Variants in CFDP1 observed in about 807,000 individuals in gnomAD.
CFDP1 encodes chromatin remodeling protein CFDP1, also known as heterochromatin-stabilizing protein CFDP1.
Under a neutral mutation model 40.1 loss-of-function variants are expected in CFDP1, and 31 were observed. That is an observed-to-expected ratio of 0.77 (90% confidence interval 0.58 to 1.04). CFDP1 has a LOEUF of 1.04. Ranked by LOEUF, CFDP1 falls within the 50% of genes least tolerant of loss-of-function variation. CFDP1 has a pLI of 0.00. For synonymous variants in CFDP1, 167 were observed against 120.0 expected (o/e 1.39, Z -2.56); for missense variants, 423 against 343.4 (o/e 1.23, Z -1.83).
intron 5 of CFDP1, among the ~76,000 whole-genome samples, chr16:75,341,331 T>C (rs1597342351): frequency 6.6e-6 from 1 of 152,204 alleles, no homozygotes; most frequent in South Asian, 2.1e-4. Flanking sequence ...CTACTATTCC[T>C]AGTCCACAGT....
chr16:75,312,259 G>C (rs2078297443), intron 5 of CFDP1, among the ~76,000 whole-genome samples: 1 of 152,120 alleles, frequency 6.6e-6, no homozygotes, highest in Non-Finnish European at 1.5e-5. Flanking sequence ...TCTCAACACT[G>C]TATTGACAGT....
intron 5 of CFDP1, among the ~76,000 whole-genome samples, chr16:75,369,907 C>G (rs1407902120): frequency 1.3e-5 from 2 of 151,844 alleles, no homozygotes; most frequent in Non-Finnish European, 2.9e-5. Flanking sequence ...TACAGGCCTG[C>G]ACCACCAAGC....
At chr16:75,312,450 G>C (rs1457775093) in intron 5 of CFDP1, among the ~76,000 whole-genome samples, 1 of 152,200 alleles carries the variant, frequency 6.6e-6, no homozygotes, top group African/African-American at 2.4e-5. Flanking sequence ...AGAAAAGCTG[G>C]CAAGTAGCAA....
rs550683730 is a variant in CFDP1 at position 75,433,060 on chromosome 16, G to C, written c.64+229C>G. On this transcript the variant is annotated intron_variant, in intron 1 of 6. Coordinates refer to ENST00000283882, the MANE Select transcript of CFDP1 (RefSeq NM_006324.3). Reference sequence around the variant, plus strand: ...ATGTGCCGGTTCCCGCGCTGCAAGAGGGGGCGGCGGCCGGAGCTGCCCAAC... The same window carrying C: ...ATGTGCCGGTTCCCGCGCTGCAAGACGGGGCGGCGGCCGGAGCTGCCCAAC... 2.6e-5 allele frequency among the ~76,000 whole-genome samples: 4 copies of C among 152,236 alleles called. No individual in the cohort carries two copies. The South Asian group carries it at 6.2e-4, about 24-fold the overall frequency.
intron 5 of CFDP1, among the ~76,000 whole-genome samples, chr16:75,376,449 A>G (rs760944854): frequency 5.9e-5 from 9 of 152,234 alleles, no homozygotes; most frequent in Non-Finnish European, 1.0e-4. Context: ...AGTCTCAAAT[A>G]CATGTTCTTT....
intron 6 of CFDP1, among the ~76,000 whole-genome samples, chr16:75,303,478 T>A (rs1175361779): frequency 6.7e-6 from 1 of 149,626 alleles, no homozygotes; most frequent in Non-Finnish European, 1.5e-5. Flanking sequence ...ATTTAGATAA[T>A]CTTGAAGCCT....
chr16:75,431,335 TC>T (rs1431427504), intron 1 of CFDP1, among the ~76,000 whole-genome samples: 1 of 149,952 alleles, frequency 6.7e-6, no homozygotes, highest in Non-Finnish European at 1.5e-5. Flanking sequence ...GGACCTGTAG[TC>T]CCAGCTACTC....
rs780333317 is a variant in CFDP1, at chr16:75,326,575, G to T, written c.651-21393C>A. The stretch of plus-strand genomic sequence containing the variant: ...TCTCTCGTTCAGTGGTCTGAGCTGG[G>T]GAGCACAGTGAACAGGTAAGGTGGC... On this transcript the variant is annotated intron_variant, in intron 5 of 6. Transcript: ENST00000283882. Among the ~76,000 whole-genome samples the T allele has an allele frequency of 4.9e-4, 75 of 152,318 alleles. 1 individual carries two copies. Among genetic ancestry groups the T allele is most frequent in the Non-Finnish European group, 3.2e-4 (22 of 68,030 alleles).
intron 5 of CFDP1, among the ~76,000 whole-genome samples, chr16:75,318,811 C>G (rs1361784756): frequency 6.6e-6 from 1 of 152,134 alleles, no homozygotes; most frequent in African/African-American, 2.4e-5. Context: ...AGGATATTAA[C>G]ATAAATTTTA....
chr16:75,323,175 G>C (rs1317945094), intron 5 of CFDP1, among the ~76,000 whole-genome samples: 1 of 150,984 alleles, frequency 6.6e-6, no homozygotes, highest in East Asian at 1.9e-4. Flanking sequence ...CCCTGTTTCT[G>C]TAAGGTTTTT....
rs540851236 is a variant in CFDP1, at chr16:75,352,390, T to TA, written c.650+42699dup. Among the ~76,000 whole-genome samples the TA allele has an allele frequency of 1.6e-4, 23 of 146,408 alleles. 1 individual carries two copies. Among genetic ancestry groups the TA allele is most frequent in the Admixed American group, 6.1e-4 (9 of 14,654 alleles). Reference sequence around the variant, plus strand: ...AAAACCAACAAAAAGACCACCCAATTAAAAAAAAAAGAATTTATCTTCCTA... The same window carrying TA: ...AAAACCAACAAAAAGACCACCCAATTAAAAAAAAAAAGAATTTATCTTCCTA... On this transcript the variant is annotated intron_variant, in intron 5 of 6. Coordinates refer to ENST00000283882, the MANE Select transcript of CFDP1 (RefSeq NM_006324.3).
chr16:75,353,106 T>A (rs1411399736), intron 5 of CFDP1, among the ~76,000 whole-genome samples: 1 of 151,724 alleles, frequency 6.6e-6, no homozygotes, highest in Non-Finnish European at 1.5e-5. Flanking sequence ...AGTAGAAAAA[T>A]TGAAAAAAAG....
At chr16:75,333,626 A>C (rs1045063320) in intron 5 of CFDP1, among the ~76,000 whole-genome samples, 1 of 152,346 alleles carries the variant, frequency 6.6e-6, no homozygotes, top group South Asian at 2.1e-4. Flanking sequence ...GCTAAATTTT[A>C]AAAGACAAAA....
At chr16:75,347,387 A>AAGAAAG (rs1408437044) in intron 5 of CFDP1, among the ~76,000 whole-genome samples, 75 of 150,814 alleles carry the variant, frequency 5.0e-4, no homozygotes, top group African/African-American at 1.7e-3. Flanking sequence ...GAAAAAGAAA[A>AAGAAAG]AAGAAAAAAA....
chr16:75,372,855 T>G (rs2078764041), intron 5 of CFDP1, among the ~76,000 whole-genome samples: 1 of 152,130 alleles, frequency 6.6e-6, no homozygotes, highest in African/African-American at 2.4e-5. Flanking sequence ...AGAGTACATG[T>G]GAGGGAGGAG....
chr16:75,321,842 G>A (rs2078365866), intron 5 of CFDP1: 1 of 148,608 alleles, frequency 6.7e-6, no homozygotes. Context: ...TTTCTTTTTC[G>A]AGACCAAGTC....
chr16:75,384,786 T>C (rs980459125), intron 5 of CFDP1, among the ~76,000 whole-genome samples: 6 of 131,472 alleles, frequency 4.6e-5, no homozygotes, highest in African/African-American at 1.7e-4. Flanking sequence ...ATGTTTATAT[T>C]GAACCTGGAG....
intron 5 of CFDP1, among the ~76,000 whole-genome samples, chr16:75,362,023 G>GA (rs1489466390): frequency 1.3e-5 from 2 of 152,102 alleles, no homozygotes; most frequent in Admixed American, 1.3e-4. Flanking sequence ...AAGGAACTCA[G>GA]AAAAACCCAA....
chr16:75,383,692 G>A (rs1171025008), intron 5 of CFDP1, among the ~76,000 whole-genome samples: 2 of 151,964 alleles, frequency 1.3e-5, no homozygotes, highest in East Asian at 1.9e-4. Context: ...GGTGGTGGGC[G>A]CCTTTAGTCC....
Sources: allele counts gnomAD v4.1 joint callset (sites outside exome capture counted in the v4.1 genomes callset), GRCh38; gene constraint gnomAD v4.1.1; transcripts MANE v1.5; gene names NCBI Gene and HGNC (gene_info 2026-07-23, HGNC 2026-07-21).